Variants in MACROD2 observed in about 807,000 individuals in gnomAD.
MACROD2 encodes the protein ADP-ribose glycohydrolase MACROD2.
In MACROD2, 36 loss-of-function variants were observed where a neutral mutation model predicts 70.4. The ratio of observed to expected loss-of-function variants is 0.51; its 90% CI spans 0.39 to 0.68. The LOEUF is 0.68. Ranked by LOEUF, MACROD2 falls within the 30% of genes least tolerant of loss-of-function variation. The pLI is 0.00. For synonymous variants in MACROD2, 172 were observed against 178.8 expected (o/e 0.96, Z 0.30); for missense variants, 496 against 538.4 (o/e 0.92, Z 0.78).
At position 15,962,081 on chromosome 20, in the gene MACROD2, A is replaced by G. The variant is rs147531065; in HGVS notation, c.908-5472A>G. ...TCATATTCCAGCTGTTCCGTTTTAC[A>G]TTATGATGATTCTTTGTTGAGTCGC... On this transcript the variant is annotated intron_variant, in intron 12 of 17. Transcript: ENST00000684519. Among the ~76,000 whole-genome samples the G allele has an allele frequency of 4.7e-3, 715 of 152,328 alleles. 5 individuals carry two copies. The highest frequency in any genetic ancestry group is 0.016 in the African/African-American group (682 of 41,586).
chr20:14,440,075 G>A (rs2084104733), intron 3 of MACROD2, among the ~76,000 whole-genome samples: 1 of 152,128 alleles, frequency 6.6e-6, no homozygotes, highest in South Asian at 2.1e-4. Context: ...TATAGGCAAA[G>A]GGAAAATATT....
At chr20:15,517,691 G>C (rs2047588207) in intron 8 of MACROD2, among the ~76,000 whole-genome samples, 1 of 152,186 alleles carries the variant, frequency 6.6e-6, no homozygotes, top group Non-Finnish European at 1.5e-5. Flanking sequence ...GAGGTGACAA[G>C]AAGCCTGAAT....
At chr20:15,847,009 A>G (rs1414510705) in intron 8 of MACROD2, among the ~76,000 whole-genome samples, 1 of 151,114 alleles carries the variant, frequency 6.6e-6, no homozygotes, top group Non-Finnish European at 1.5e-5. Context: ...TACATTTTAA[A>G]TAATTTGTTG....
intron 10 of MACROD2, among the ~76,000 whole-genome samples, chr20:15,886,497 G>A (rs534852978): frequency 6.6e-6 from 1 of 152,258 alleles, no homozygotes; most frequent in African/African-American, 2.4e-5. Context: ...CTGTTTTGGG[G>A]AGTGGTTCTA....
intron 4 of MACROD2, among the ~76,000 whole-genome samples, chr20:14,553,897 G>A (rs1978842817): frequency 1.3e-5 from 2 of 152,100 alleles, no homozygotes; most frequent in South Asian, 4.1e-4. Flanking sequence ...AAAATTCTGA[G>A]CATGGTTTTC....
intron 5 of MACROD2, among the ~76,000 whole-genome samples, chr20:14,859,755 G>C (rs1440383504): frequency 2.0e-5 from 3 of 151,986 alleles, no homozygotes; most frequent in African/African-American, 7.2e-5. Context: ...CAACTTACTA[G>C]TTAGCTCTGT....
At chr20:14,183,894 C>A (rs1443943899) in intron 3 of MACROD2, among the ~76,000 whole-genome samples, 1 of 151,634 alleles carries the variant, frequency 6.6e-6, no homozygotes, top group African/African-American at 2.4e-5. Flanking sequence ...TTTACTTTTT[C>A]CTTGTAAATT....
At chr20:15,798,722 C>T (rs1256539622) in intron 8 of MACROD2, among the ~76,000 whole-genome samples, 1 of 152,152 alleles carries the variant, frequency 6.6e-6, no homozygotes, top group Non-Finnish European at 1.5e-5. Flanking sequence ...CTCCCTCAGA[C>T]AGATTACTGA....
intron 5 of MACROD2, among the ~76,000 whole-genome samples, chr20:14,958,735 C>G (rs1185793339): frequency 6.6e-6 from 1 of 152,150 alleles, no homozygotes; most frequent in Non-Finnish European, 1.5e-5. Flanking sequence ...TTTTTCCATG[C>G]TCATTCTAAA....
At chr20:14,629,868 A>C (rs917929894) in intron 4 of MACROD2, among the ~76,000 whole-genome samples, 2 of 152,092 alleles carry the variant, frequency 1.3e-5, no homozygotes, top group African/African-American at 4.8e-5. Flanking sequence ...AAACACTGAG[A>C]TTTATCTCCA....
intron 8 of MACROD2, among the ~76,000 whole-genome samples, chr20:15,628,809 C>A (rs1295849671): frequency 1.3e-5 from 2 of 152,212 alleles, no homozygotes; most frequent in African/African-American, 4.8e-5. Flanking sequence ...TCTTCAGCAA[C>A]TGGGTCTCAG....
intron 3 of MACROD2, among the ~76,000 whole-genome samples, chr20:14,328,607 C>T (rs1409302681): frequency 6.6e-6 from 1 of 151,934 alleles, no homozygotes; most frequent in African/African-American, 2.4e-5. Flanking sequence ...GTAAATTTTG[C>T]GGGGGTGAAT....
chr20:14,114,781 A>T (rs971714679), intron 3 of MACROD2, among the ~76,000 whole-genome samples: 1 of 152,180 alleles, frequency 6.6e-6, no homozygotes, highest in Non-Finnish European at 1.5e-5. Flanking sequence ...AATAATTGAG[A>T]TGATAGAAAA....
intron 8 of MACROD2, among the ~76,000 whole-genome samples, chr20:15,630,157 G>A (rs568148888): frequency 1.3e-5 from 2 of 152,298 alleles, no homozygotes; most frequent in South Asian, 4.1e-4. Context: ...GAAAGTAACT[G>A]AGTTAGTGTA....
At chr20:15,413,516 G>A (rs1305911341) in intron 6 of MACROD2, among the ~76,000 whole-genome samples, 4 of 152,112 alleles carry the variant, frequency 2.6e-5, no homozygotes, top group African/African-American at 4.8e-5. Context: ...AGAGGAGGAT[G>A]AAGGAAGGAA....
intron 5 of MACROD2, among the ~76,000 whole-genome samples, chr20:14,806,667 G>A (rs1312374681): frequency 6.6e-6 from 1 of 152,106 alleles, no homozygotes; most frequent in Non-Finnish European, 1.5e-5. Context: ...CCCCCACGGA[G>A]ACCAGCAAGC....
chr20:14,751,979 A>G lies in MACROD2; in HGVS notation c.418+67020A>G, dbSNP rs1354894735. 3.9e-5 allele frequency among the ~76,000 whole-genome samples: 6 copies of G among 151,964 alleles called. No homozygotes were observed. In the East Asian group the frequency reaches 1.2e-3, roughly 29 times the overall value. The stretch of plus-strand genomic sequence containing the variant: ...GAAATACCCTCTTCCTGTGGCTTCC[A>G]TAATGAAACATTGTCTTGATTTCCT... On this transcript the variant is annotated intron_variant, in intron 5 of 17. Transcript: ENST00000684519.
chr20:14,573,056 C>T lies in MACROD2; in HGVS notation c.301+79548C>T, dbSNP rs530115287. ...TATCATTTAGATGTCATGAAATAGC[C>T]TTTTTTTTCCCTTTTGCATAGTGTT... On this transcript the variant is annotated intron_variant, in intron 4 of 17. Coordinates refer to ENST00000684519, the MANE Select transcript of MACROD2 (RefSeq NM_001351661.2). Among the ~76,000 whole-genome samples the T allele has an allele frequency of 6.6e-5, 10 of 150,822 alleles. No homozygotes were observed. In the South Asian group the frequency reaches 2.1e-3, roughly 32 times the overall value.
At chr20:14,488,516 C>A (rs2084759977) in intron 3 of MACROD2, among the ~76,000 whole-genome samples, 1 of 152,148 alleles carries the variant, frequency 6.6e-6, no homozygotes, top group Non-Finnish European at 1.5e-5. Flanking sequence ...TTGGGTAAAG[C>A]AACATTCAGT....
Sources: gnomAD v4.1 joint callset for allele counts (sites outside exome capture counted in the v4.1 genomes callset) on GRCh38, gnomAD v4.1.1 for gene constraint, MANE v1.5 for transcripts, NCBI Gene and HGNC (gene_info 2026-07-23, HGNC 2026-07-21) for gene names.